TPCN2: variants seen among roughly 807,000 people sequenced by gnomAD.
TPCN2 encodes two pore channel protein 2.
A neutral mutation model predicts 111.4 loss-of-function variants in TPCN2; 92 were observed. That is an observed-to-expected ratio of 0.83 (90% CI 0.70 to 0.98). The LOEUF (loss-of-function observed/expected upper bound fraction) is 0.98, where lower values mean the gene tolerates loss of function less well. TPCN2 is among the 50% of genes least tolerant of loss of function. The probability of loss-of-function intolerance (pLI) is 0.00; values close to 1 mark genes in which losing one functional copy is unlikely to be tolerated. For missense variants in TPCN2, 995 were observed against 980.1 expected (o/e 1.02, Z -0.20); for synonymous variants, 405 against 414.5 (o/e 0.98, Z 0.28).
intron 9 of TPCN2, among the ~76,000 whole-genome samples, chr11:69,070,753 C>T (rs1277490888): frequency 2.8e-5 from 4 of 140,830 alleles, no homozygotes; most frequent in Admixed American, 2.1e-4. Context: ...CCACCAACAG[C>T]TTCACCCCAG....
chr11:69,084,353 C>T (rs11228486), intron 19 of TPCN2, among the ~76,000 whole-genome samples: 154 of 152,296 alleles, frequency 1.0e-3, no homozygotes, highest in African/African-American at 3.6e-3. Flanking sequence ...ATTTAAGAGG[C>T]GCAGGGCTTT....
intron 17 of TPCN2, among the ~76,000 whole-genome samples, chr11:69,080,410 A>G (rs1300228250): frequency 6.6e-6 from 1 of 152,160 alleles, no homozygotes; most frequent in Non-Finnish European, 1.5e-5. Context: ...CTGATTCACC[A>G]CTGCCCGGGG....
Position 69,072,922 on chromosome 11 carries a change from G to T in TPCN2, c.1151G>T (p.Arg384Leu), listed in dbSNP as rs138388668. The change falls in exon 13 of 25, where the codon CGT becomes CTT. Residue 384 changes from arginine (R) to leucine (L), a missense_variant. Physicochemically the swap from Arg to Leu is moderately radical, Grantham distance 102. Transcript: ENST00000294309. Reference sequence around the variant, plus strand: ...GTGCTCCTTCCTGTGCAGAAGGTGCGTTCCTATGGCAGTGTTCTGCTCTCA... The same window carrying T: ...GTGCTCCTTCCTGTGCAGAAGGTGCTTTCCTATGGCAGTGTTCTGCTCTCA... The part of the protein sequence containing the change: ...SHKQAMMEKV[R>L]SYGSVLLSAE... 1.2e-6 allele frequency: 2 copies of T among 1,612,432 alleles called. No individual in the cohort carries two copies. Among genetic ancestry groups the T allele is most frequent in the African/African-American group, 1.3e-5 (1 of 75,054 alleles).
Position 69,089,237 on chromosome 11 carries a change from T to C in TPCN2, c.*1284T>C, listed in dbSNP as rs1228134332. On this transcript the variant is annotated 3_prime_UTR_variant, in exon 25 of 25. Coordinates refer to ENST00000294309, the MANE Select transcript of TPCN2 (RefSeq NM_139075.4). Reference sequence around the variant, plus strand: ...GGTCATGAGTTTCTTTTTACTCGTGTTGAATAATAACAATAACAATAACAA... The same window carrying C: ...GGTCATGAGTTTCTTTTTACTCGTGCTGAATAATAACAATAACAATAACAA... 2.2e-5 allele frequency: 3 copies of C among 135,462 alleles called. No homozygotes were observed. Among genetic ancestry groups the C allele is most frequent in the African/African-American group, 8.0e-5 (3 of 37,654 alleles). 8.4% of individuals were successfully genotyped at this position (135,462 alleles called of 1,614,324 possible).
intron 19 of TPCN2, 61 bp from the exon 20 acceptor site, chr11:69,085,149 A>G: frequency 6.9e-7 from 1 of 1,449,076 alleles, no homozygotes; most frequent in Non-Finnish European, 9.7e-7. Flanking sequence ...CTGTCTGGGG[A>G]GGGTGGTGGT....
intron 17 of TPCN2, among the ~76,000 whole-genome samples, chr11:69,080,724 A>G (rs963855021): frequency 6.6e-6 from 1 of 152,162 alleles, no homozygotes; most frequent in African/African-American, 2.4e-5. Context: ...AGCCCCCCAG[A>G]ACTTACCTCA....
intron 13 of TPCN2, among the ~76,000 whole-genome samples, chr11:69,073,322 C>T (rs1372148692): frequency 1.3e-5 from 2 of 152,254 alleles, no homozygotes; most frequent in Admixed American, 6.5e-5. Context: ...CTGGTCCTCT[C>T]CAAGGCCTTT....
At chr11:69,085,974 T>C (rs1590755714) in intron 22 of TPCN2, 44 bp downstream of exon 22, 1 of 1,575,642 alleles carries the variant, frequency 6.3e-7, no homozygotes, top group East Asian at 2.3e-5. Flanking sequence ...CCGTGCAGCC[T>C]GGGGGTTCCC....
Position 69,057,590 on chromosome 11 carries a change from G to C in TPCN2, c.442G>C (p.Gly148Arg). 1.2e-6 allele frequency: 2 copies of C among 1,614,170 alleles called. No homozygotes were observed. Among genetic ancestry groups the C allele is most frequent in the Non-Finnish European group, 1.7e-6 (2 of 1,180,004 alleles). ...GTCTATCTTGCAGGGTTACCTGTTC[G>C]GGTGGGCCCATTTCCAGAAAAACCT... ...ADLSVKGYLF[G>R]WAHFQKNLWL... is the part of the protein sequence containing the mutation. The change falls in exon 5 of 25, where the codon GGG becomes CGG. Residue 148 changes from glycine (G) to arginine (R), a missense_variant. Physicochemically the swap from Gly to Arg is moderately radical, Grantham distance 125. Coordinates refer to ENST00000294309, the MANE Select transcript of TPCN2 (RefSeq NM_139075.4).
At chr11:69,054,357 TG>T in intron 2 of TPCN2, 1 of 572,768 alleles carries the variant, frequency 1.7e-6, no homozygotes, top group Non-Finnish European at 3.1e-6. Context: ...CCCGGGTGGG[TG>T]GGGGCATCCT....
chr11:69,054,122 C>T lies in TPCN2; in HGVS notation c.174+25C>T, dbSNP rs1280089277. The T allele has an allele frequency of 3.1e-6, 5 of 1,608,008 alleles. No individual in the cohort carries two copies. In the South Asian group the frequency reaches 5.5e-5, roughly 18 times the overall value. ...GGTCGGTGGCACCTGCTCCCTGTGGCCGGGCCTGGGGGGTGGCCGCCCTCC... is the reference window on the plus strand; with the variant it reads ...GGTCGGTGGCACCTGCTCCCTGTGGTCGGGCCTGGGGGGTGGCCGCCCTCC... On this transcript the variant is annotated intron_variant, in intron 2 of 24. Coordinates refer to ENST00000294309, the MANE Select transcript of TPCN2 (RefSeq NM_139075.4).
At chr11:69,082,989 G>A (rs373762947) in intron 18 of TPCN2, among the ~76,000 whole-genome samples, 1 of 149,688 alleles carries the variant, frequency 6.7e-6, no homozygotes, top group African/African-American at 2.5e-5. Flanking sequence ...ACTCGTGCCC[G>A]TGTAAGACGC....
At position 69,078,409 on chromosome 11, in the gene TPCN2, G is replaced by C; in HGVS notation, c.1231-73G>C. 5.0e-6 allele frequency: 8 copies of C among 1,589,774 alleles called. No homozygotes were observed. The South Asian group carries it at 9.0e-5, about 18-fold the overall frequency. On this transcript the variant is annotated intron_variant, in intron 13 of 24. Transcript: ENST00000294309. Reference sequence around the variant, plus strand: ...AAAAATCAAATCCCAGAATAAGAGGGTGTGAGCATTTTTGGGCTGCAACAG... The same window carrying C: ...AAAAATCAAATCCCAGAATAAGAGGCTGTGAGCATTTTTGGGCTGCAACAG...
chr11:69,072,729 G>C, intron 12 of TPCN2, 21 bp downstream of exon 12: 1 of 1,613,332 alleles, frequency 6.2e-7, no homozygotes, highest in Non-Finnish European at 8.5e-7. Flanking sequence ...CCTGCTCCCA[G>C]CCTCCTCTGG....
intron 23 of TPCN2, 123 bp from the exon 24 acceptor site, chr11:69,086,989 C>G: frequency 1.3e-6 from 1 of 773,790 alleles, no homozygotes; most frequent in Non-Finnish European, 2.1e-6. Context: ...GCCTGGGTGT[C>G]CAGGGTGAAT....
chr11:69,063,823 G>A, intron 6 of TPCN2, 72 bp from the exon 7 acceptor site: 1 of 1,473,090 alleles, frequency 6.8e-7, no homozygotes, highest in South Asian at 1.2e-5. Flanking sequence ...CTGTCACCGA[G>A]CCCTGCAGGC....
chr11:69,085,343 G>GGGT, intron 20 of TPCN2, 57 bp downstream of exon 20: 2 of 581,886 alleles, frequency 3.4e-6, no homozygotes, highest in African/African-American at 1.9e-5. Context: ...GGGTGGGCGG[G>GGGT]AAGCCTTGGC....
chr11:69,086,555 T>A lies in TPCN2; in HGVS notation c.2036T>A (p.Leu679Gln), dbSNP rs562196988. 5 of 1,614,170 alleles carry A rather than the reference T, an allele frequency of 3.1e-6. No individual in the cohort carries two copies. The highest frequency in any genetic ancestry group is 4.5e-5 in the East Asian group (2 of 44,864). The change falls in exon 23 of 25, where the codon CTG becomes CAG. Residue 679 changes from leucine to glutamine, a missense_variant. Transcript: ENST00000294309. ...AAGATCTATTTTGTATTGTGGTGGC[T>A]GGTGTCGTCTGTCATCTGGGTCAAC... is the stretch of plus-strand genomic sequence containing the variant. ...WSKIYFVLWW[L>Q]VSSVIWVNLF...
At chr11:69,060,216 G>A (rs1305316180) in intron 5 of TPCN2, among the ~76,000 whole-genome samples, 3 of 152,176 alleles carry the variant, frequency 2.0e-5, no homozygotes, top group African/African-American at 4.8e-5. Context: ...ACAGGGGACT[G>A]CCCAACCCTG....
Sources: gnomAD v4.1 joint callset for allele counts (sites outside exome capture counted in the v4.1 genomes callset) on GRCh38, gnomAD v4.1.1 for gene constraint, MANE v1.5 for transcripts, NCBI Gene and HGNC (gene_info 2026-07-23, HGNC 2026-07-21) for gene names.